ANKRD36: variants seen among roughly 807,000 people sequenced by gnomAD.
The protein encoded by ANKRD36 is ankyrin repeat domain-containing protein 36A.
Under a neutral mutation model 278.1 loss-of-function variants are expected in ANKRD36, and 179 were observed. The observed-to-expected ratio is 0.64, with a 90% CI of 0.57 to 0.73. The LOEUF (loss-of-function observed/expected upper bound fraction) is 0.73, where lower values mean the gene tolerates loss of function less well. Among genes scored for constraint, ANKRD36 ranks in the 30% least tolerant of loss-of-function variants. ANKRD36 has a pLI of 0.00. For missense variants in ANKRD36, 1,159 were observed against 1,956.7 expected, an observed-to-expected ratio of 0.59 and a Z score of 7.69; for synonymous variants, 320 against 641.1, an observed-to-expected ratio of 0.50 and a Z score of 7.57.
intron 75 of ANKRD36, among the ~76,000 whole-genome samples, chr2:97,250,686 G>A (rs1411722948): frequency 1.8e-5 from 2 of 110,666 alleles, no homozygotes; most frequent in Admixed American, 9.7e-5. Flanking sequence ...CCTTAGCATG[G>A]AATCAAAACT....
chr2:97,187,269 G>T, intron 31 of ANKRD36, 43 bp downstream of exon 31: 1 of 1,607,094 alleles, frequency 6.2e-7, no homozygotes, highest in East Asian at 2.3e-5. Context: ...TAAATCTATA[G>T]TCTATGAAAT....
intron 54 of ANKRD36, among the ~76,000 whole-genome samples, chr2:97,208,784 A>G (rs1340811053): frequency 6.8e-6 from 1 of 146,690 alleles, no homozygotes; most frequent in East Asian, 2.0e-4. Context: ...TAAAATAGCT[A>G]TTTAATGTAA....
intron 50 of ANKRD36, 123 bp from the exon 51 acceptor site, chr2:97,205,817 A>G (rs2062694144): frequency 1.5e-6 from 2 of 1,319,822 alleles, no homozygotes; most frequent in Non-Finnish European, 2.1e-6. Context: ...CACAAAGTAG[A>G]AGCCATCAAA....
chr2:97,229,315 G>A (rs1295271977), intron 67 of ANKRD36, among the ~76,000 whole-genome samples: 99 of 151,522 alleles, frequency 6.5e-4, no homozygotes, highest in Non-Finnish European at 1.3e-3. Flanking sequence ...ATGAATCTGG[G>A]TGCTCCTGTA....
intron 6 of ANKRD36, among the ~76,000 whole-genome samples, chr2:97,129,789 G>A (rs931424922): frequency 3.3e-5 from 5 of 151,936 alleles, no homozygotes; most frequent in Non-Finnish European, 5.9e-5. Context: ...GTAGACATGC[G>A]GCATTATTTT....
chr2:97,206,979 T>G (rs1377212646), intron 52 of ANKRD36, among the ~76,000 whole-genome samples: 2 of 151,482 alleles, frequency 1.3e-5, no homozygotes, highest in Non-Finnish European at 1.5e-5. Context: ...AAACAAAAAT[T>G]ATGCTGGATT....
rs763785113 is a variant in ANKRD36 at position 97,113,987 on chromosome 2, G to A, written c.197+51G>A. 3.3e-6 allele frequency: 5 copies of A among 1,514,958 alleles called. No homozygotes were observed. In the South Asian group the frequency reaches 5.8e-5, roughly 18 times the overall value. 93.8% of individuals were successfully genotyped at this position (1,514,958 alleles called of 1,614,324 possible). ...GCGGGAGGAGGCCTGTGGATGTGGA[G>A]AAGTACCCCTTTCCAGGCTGAGGGC... On this transcript the variant is annotated intron_variant, in intron 1 of 75. Coordinates refer to ENST00000420699, the MANE Select transcript of ANKRD36 (RefSeq NM_001354587.1).
chr2:97,123,107 TGG>T (rs1381169111), intron 4 of ANKRD36, 114 bp downstream of exon 4: 1 of 854,994 alleles, frequency 1.2e-6, no homozygotes, highest in East Asian at 3.4e-5. Context: ...TTGTAATTAT[TGG>T]GATATAGTGA....
intron 67 of ANKRD36, among the ~76,000 whole-genome samples, chr2:97,231,522 C>T (rs2072088124): frequency 6.6e-6 from 1 of 152,144 alleles, no homozygotes; most frequent in African/African-American, 2.4e-5. Context: ...ACCCAATTTT[C>T]CAGGTGCTGT....
At chr2:97,213,063 A>C in intron 58 of ANKRD36, 3 of 472,614 alleles carry the variant, frequency 6.3e-6, no homozygotes, top group Non-Finnish European at 3.7e-6. Flanking sequence ...ATGTGGCATC[A>C]TGTAGAACCT....
intron 52 of ANKRD36, 136 bp from the exon 53 acceptor site, chr2:97,207,675 A>G (rs1160704735): frequency 3.7e-5 from 51 of 1,387,446 alleles, no homozygotes; most frequent in Non-Finnish European, 5.0e-5. Flanking sequence ...TCTAGTCCCC[A>G]GACACAAAGT....
At chr2:97,219,528 G>C (rs1261190057) in intron 66 of ANKRD36, among the ~76,000 whole-genome samples, 5 of 150,848 alleles carry the variant, frequency 3.3e-5, no homozygotes, top group South Asian at 2.2e-4. Context: ...GTTGCCCAGG[G>C]TGGAGTGCAA....
At chr2:97,177,806 CA>C (rs1340942940) in intron 22 of ANKRD36, among the ~76,000 whole-genome samples, 1 of 151,906 alleles carries the variant, frequency 6.6e-6, no homozygotes, top group Non-Finnish European at 1.5e-5. Flanking sequence ...GCAATGGCAA[CA>C]AAAGACAAAA....
intron 6 of ANKRD36, among the ~76,000 whole-genome samples, chr2:97,129,906 A>G (rs542852759): frequency 6.6e-6 from 1 of 152,164 alleles, no homozygotes; most frequent in East Asian, 1.9e-4. Context: ...AGGTAGCGTG[A>G]TGCCTCCAGC....
intron 6 of ANKRD36, among the ~76,000 whole-genome samples, chr2:97,130,286 G>C (rs1212901823): frequency 1.3e-5 from 2 of 151,968 alleles, no homozygotes; most frequent in Non-Finnish European, 2.9e-5. Context: ...ATGAGTTCCT[G>C]TCCTTTGTAG....
chr2:97,210,517 A>G (rs35899007), intron 56 of ANKRD36, among the ~76,000 whole-genome samples: 17,106 of 148,238 alleles, frequency 0.12, 2 homozygotes, highest in Middle Eastern at 0.23. Context: ...ACACTGACTC[A>G]TTACTCCTCT....
chr2:97,209,831 A>C lies in ANKRD36; in HGVS notation c.3326A>C (p.Tyr1109Ser). 1 of 1,596,686 alleles carries C rather than the reference A, an allele frequency of 6.3e-7. No homozygotes were observed. The highest frequency in any genetic ancestry group is 2.3e-5 in the East Asian group (1 of 43,444). ...ATSDEKDSVL[Y>S]IAREKKDGEK... ...AGTGACGAGAAAGATTCTGTTTTGTATATAGCCAGAGAAAAAAAGGATGGA... is the reference window on the plus strand; with the variant it reads ...AGTGACGAGAAAGATTCTGTTTTGTCTATAGCCAGAGAAAAAAAGGATGGA... The change falls in exon 56 of 76, where the codon TAT becomes TCT. Residue 1109 changes from tyrosine to serine, a missense_variant. Physicochemically the swap from Tyr to Ser is moderately radical, Grantham distance 144. Coordinates refer to ENST00000420699, the MANE Select transcript of ANKRD36 (RefSeq NM_001354587.1).
At position 97,211,563 on chromosome 2, in the gene ANKRD36, C is replaced by G; in HGVS notation, c.3385C>G (p.Pro1129Ala). 6.2e-7 allele frequency: 1 copy of G among 1,607,000 alleles called. No individual in the cohort carries two copies. The highest frequency in any genetic ancestry group is 1.1e-5 in the South Asian group (1 of 90,732). The change falls in exon 57 of 76, where the codon CCA becomes GCA. Residue 1129 changes from proline (P) to alanine (A), a missense_variant. Transcript: ENST00000420699. ...CTTTTCAGTGTCTTCTCCGAAACAA[C>G]CAGCATTGAAGGTAATTAAGCTCTC... ...KSRTVSSPKQ[P>A]ALKAICDKED...
rs1192375090 is a variant in ANKRD36, at chr2:97,149,311, G to A, written c.1051G>A (p.Asp351Asn). The change falls in exon 12 of 76, where the codon GAT becomes AAT. Residue 351 changes from aspartate (D) to asparagine (N), a missense_variant. Coordinates refer to ENST00000420699, the MANE Select transcript of ANKRD36 (RefSeq NM_001354587.1). ...GCTCTGTAGGAGTCTCTACAGACCT[G>A]ATGCTGTTGCACAGCCTGTGACAGA... ...QCLNRSLYRP[D>N]AVAQPVTENE... 6.5e-7 allele frequency: 1 copy of A among 1,533,840 alleles called. No individual in the cohort carries two copies. The highest frequency in any genetic ancestry group is 1.4e-5 in the African/African-American group (1 of 72,890).
Sources: gnomAD v4.1 joint callset for allele counts (sites outside exome capture counted in the v4.1 genomes callset) on GRCh38, gnomAD v4.1.1 for gene constraint, MANE v1.5 for transcripts, NCBI Gene and HGNC (gene_info 2026-07-23, HGNC 2026-07-21) for gene names.